CAMK1D: variants seen among roughly 807,000 people sequenced by gnomAD.
CAMK1D encodes calcium/calmodulin-dependent protein kinase type 1D.
Under a neutral mutation model 47.7 loss-of-function variants are expected in CAMK1D, and 9 were observed. The ratio of observed to expected loss-of-function variants is 0.19; its 90% CI spans 0.11 to 0.33. The LOEUF (loss-of-function observed/expected upper bound fraction) is 0.33. Ranked by LOEUF, CAMK1D falls within the 10% of genes least tolerant of loss-of-function variation. The pLI is 1.00. For missense variants in CAMK1D, 291 were observed against 488.7 expected (o/e 0.60, Z 3.81); for synonymous variants, 184 against 184.9 (o/e 0.99, Z 0.04).
rs1308261325 is a variant in CAMK1D, at chr10:12,694,314, AAATAT to A, written c.299+27511_299+27515del. 4.7e-4 allele frequency among the ~76,000 whole-genome samples: 31 copies of A among 66,232 alleles called. 2 individuals carry two copies. The highest frequency in any genetic ancestry group is 1.4e-3 in the Admixed American group (5 of 3,454). The allele number at this position is 66,232 out of a possible 152,430, so 43.5% of individuals were successfully genotyped here. The stretch of plus-strand genomic sequence containing the variant: ...ATATATATTATATATAAAATATATA[AAATAT>A]AATATATAAAGTATATATAATATAT... On this transcript the variant is annotated intron_variant, in intron 3 of 10. Coordinates refer to ENST00000619168, the MANE Select transcript of CAMK1D (RefSeq NM_153498.4).
chr10:12,394,869 A>G (rs1209957048), intron 1 of CAMK1D, among the ~76,000 whole-genome samples: 1 of 152,028 alleles, frequency 6.6e-6, no homozygotes, highest in African/African-American at 2.4e-5. Flanking sequence ...CAGGGCTGTG[A>G]TCTGGACCTG....
chr10:12,366,386 G>C (rs535953145), intron 1 of CAMK1D, among the ~76,000 whole-genome samples: 1 of 152,234 alleles, frequency 6.6e-6, no homozygotes, highest in Non-Finnish European at 1.5e-5. Context: ...TGGGCTCAGT[G>C]GCTCACACCT....
At chr10:12,533,590 A>G (rs1835875450) in intron 1 of CAMK1D, among the ~76,000 whole-genome samples, 1 of 152,132 alleles carries the variant, frequency 6.6e-6, no homozygotes, top group African/African-American at 2.4e-5. Flanking sequence ...CATTATTATA[A>G]TGGCTCTGTG....
chr10:12,365,690 G>A (rs1018341309), intron 1 of CAMK1D, among the ~76,000 whole-genome samples: 17 of 150,924 alleles, frequency 1.1e-4, no homozygotes, highest in African/African-American at 2.4e-4. Context: ...TGCCTGCCTC[G>A]GCCTCCCAAA....
chr10:12,772,164 G>A (rs959558312), intron 5 of CAMK1D, among the ~76,000 whole-genome samples: 1 of 152,182 alleles, frequency 6.6e-6, no homozygotes, highest in African/African-American at 2.4e-5. Flanking sequence ...ATGTGCCTGG[G>A]GTGGTGACGG....
intron 2 of CAMK1D, among the ~76,000 whole-genome samples, chr10:12,585,647 A>G (rs768477452): frequency 6.6e-6 from 1 of 152,198 alleles, no homozygotes; most frequent in Non-Finnish European, 1.5e-5. Context: ...CCTTTTATAA[A>G]ACCATTAGAT....
intron 1 of CAMK1D, among the ~76,000 whole-genome samples, chr10:12,352,258 A>C (rs1837375199): frequency 6.6e-6 from 1 of 152,238 alleles, no homozygotes; most frequent in Admixed American, 6.5e-5. Flanking sequence ...GCCAATGCTT[A>C]GTCAATAATT....
chr10:12,570,657 G>A (rs1034283162), intron 2 of CAMK1D, among the ~76,000 whole-genome samples: 12 of 130,606 alleles, frequency 9.2e-5, no homozygotes, highest in Non-Finnish European at 1.4e-4. Flanking sequence ...TCCAGCTTGG[G>A]CAACAAAAGT....
chr10:12,537,945 A>G (rs1047712409), intron 1 of CAMK1D, among the ~76,000 whole-genome samples: 3 of 152,270 alleles, frequency 2.0e-5, no homozygotes, highest in Non-Finnish European at 2.9e-5. Context: ...TTATCTTTCT[A>G]TGTAATTAAG....
chr10:12,573,662 T>C (rs1311135023), intron 2 of CAMK1D, among the ~76,000 whole-genome samples: 1 of 151,576 alleles, frequency 6.6e-6, no homozygotes, highest in East Asian at 1.9e-4. Context: ...TTTTCTTTTT[T>C]TTTGTTTTTT....
chr10:12,640,238 ACCCCTT>A (rs1839629275), intron 2 of CAMK1D, among the ~76,000 whole-genome samples: 2 of 151,716 alleles, frequency 1.3e-5, no homozygotes, highest in Non-Finnish European at 2.9e-5. Flanking sequence ...GCTTGCCCCC[ACCCCTT>A]CTGGTTCAGC....
At chr10:12,769,561 A>G (rs1344230815) in intron 4 of CAMK1D, 112 bp from the exon 5 acceptor site, 2 of 1,232,014 alleles carry the variant, frequency 1.6e-6, no homozygotes, top group Non-Finnish European at 2.3e-6. Context: ...ACTGTGTCCA[A>G]AGGTCAAGGA....
intron 1 of CAMK1D, among the ~76,000 whole-genome samples, chr10:12,521,719 G>A (rs1835421210): frequency 6.6e-6 from 1 of 152,074 alleles, no homozygotes; most frequent in South Asian, 2.1e-4. Flanking sequence ...TGTTGGATTT[G>A]TCCTATTTTT....
At chr10:12,765,063 C>G (rs1836686808) in intron 4 of CAMK1D, among the ~76,000 whole-genome samples, 2 of 152,130 alleles carry the variant, frequency 1.3e-5, no homozygotes. Context: ...CTACTATACT[C>G]TAGCCTGGGT....
chr10:12,584,662 A>G (rs543686707), intron 2 of CAMK1D, among the ~76,000 whole-genome samples: 1 of 152,178 alleles, frequency 6.6e-6, no homozygotes, highest in Non-Finnish European at 1.5e-5. Context: ...TCTACAAAAA[A>G]TACAGAAATT....
At chr10:12,493,930 A>G (rs1202622439) in intron 1 of CAMK1D, among the ~76,000 whole-genome samples, 1 of 152,206 alleles carries the variant, frequency 6.6e-6, no homozygotes. Context: ...ACAAATGGAA[A>G]GTGCTTGTTG....
rs186180741 is a variant in CAMK1D at position 12,600,111 on chromosome 10, C to T, written c.224+46755C>T. On this transcript the variant is annotated intron_variant, in intron 2 of 10. Coordinates refer to ENST00000619168, the MANE Select transcript of CAMK1D (RefSeq NM_153498.4). Reference sequence around the variant, plus strand: ...CAGAGTGGGACCTTGTCTCAAATTACGAAGAGAGAGGGAAGGAGGGTGGGA... The same window carrying T: ...CAGAGTGGGACCTTGTCTCAAATTATGAAGAGAGAGGGAAGGAGGGTGGGA... Among the ~76,000 whole-genome samples, 11 of 151,332 alleles carry T rather than the reference C, an allele frequency of 7.3e-5. No homozygotes were observed. The South Asian group carries it at 1.7e-3, about 23-fold the overall frequency.
At chr10:12,664,451 A>G (rs2132545809) in intron 2 of CAMK1D, among the ~76,000 whole-genome samples, 1 of 151,708 alleles carries the variant, frequency 6.6e-6, no homozygotes, top group East Asian at 2.0e-4. Flanking sequence ...TTAATTCTCT[A>G]TCCCGTGTAT....
intron 3 of CAMK1D, among the ~76,000 whole-genome samples, chr10:12,668,460 A>G (rs1168488850): frequency 2.0e-5 from 3 of 152,218 alleles, no homozygotes; most frequent in Non-Finnish European, 4.4e-5. Flanking sequence ...TGTCAACCTC[A>G]GCTCTGCCTC....
Sources: gnomAD v4.1 joint callset for allele counts (sites outside exome capture counted in the v4.1 genomes callset) on GRCh38, gnomAD v4.1.1 for gene constraint, MANE v1.5 for transcripts, NCBI Gene and HGNC (gene_info 2026-07-23, HGNC 2026-07-21) for gene names.